The following STT3A variants were observed in gnomAD, a reference collection of about 807,000 sequenced individuals.
STT3A encodes the protein dolichyl-diphosphooligosaccharide--protein glycosyltransferase subunit STT3A.
STT3A carries 34 observed loss-of-function variants against 89.2 expected under a neutral mutation model. The ratio of observed to expected loss-of-function variants is 0.38; its 90% CI spans 0.29 to 0.51. STT3A has a LOEUF of 0.51. Among genes scored for constraint, STT3A ranks in the 20% least tolerant of loss-of-function variants. The probability of loss-of-function intolerance (pLI) is 0.89; values close to 1 mark genes in which losing one functional copy is unlikely to be tolerated. For synonymous variants in STT3A, 282 were observed against 310.3 expected (o/e 0.91, Z 0.96); for missense variants, 555 against 889.5 (o/e 0.62, Z 4.78).
At chr11:125,617,287 G>A (rs112690507) in intron 15 of STT3A, among the ~76,000 whole-genome samples, 16 of 152,164 alleles carry the variant, frequency 1.1e-4, no homozygotes, top group African/African-American at 3.9e-4. Context: ...CCCTATTGTT[G>A]TAGATACTCT....
At chr11:125,596,476 G>A (rs1039923638) in intron 2 of STT3A, among the ~76,000 whole-genome samples, 1 of 151,990 alleles carries the variant, frequency 6.6e-6, no homozygotes, top group Non-Finnish European at 1.5e-5. Flanking sequence ...AAAAAAAGAG[G>A]GCTGTGATCA....
Position 125,614,067 on chromosome 11 carries a change from A to G in STT3A, c.1555-20A>G, listed in dbSNP as rs2135940507. Reference sequence around the variant, plus strand: ...AGACAGTGAGAAGCTTGTTATTTCCATTTCCCATTCTACTTTCAGGATGCG... The same window carrying G: ...AGACAGTGAGAAGCTTGTTATTTCCGTTTCCCATTCTACTTTCAGGATGCG... On this transcript the variant is annotated intron_variant, in intron 13 of 17. Coordinates refer to ENST00000392708, the MANE Select transcript of STT3A (RefSeq NM_152713.5). This position sits in a 1 kb window ranked among gnomAD's most constrained non-coding sequence, Gnocchi z 4.9. 1 of 1,606,688 alleles carries G rather than the reference A, an allele frequency of 6.2e-7. No individual in the cohort carries two copies. The highest frequency in any genetic ancestry group is 1.3e-5 in the African/African-American group (1 of 74,822).
intron 3 of STT3A, among the ~76,000 whole-genome samples, chr11:125,600,237 ACAGGGTTTCT>A (rs1273178116): frequency 2.0e-5 from 3 of 152,030 alleles, no homozygotes; most frequent in African/African-American, 7.2e-5. Context: ...TTTAGTAGAG[ACAGGGTTTCT>A]CCATGTTGGT....
Position 125,622,276 on chromosome 11 carries a change from A to G in STT3A, c.*1466A>G, listed in dbSNP as rs1940370338. ...CCAGGGCACTTAGCCTTCCAAACCA[A>G]TTTATATACCATGTTCTTCAACTGT... On this transcript the variant is annotated 3_prime_UTR_variant, in exon 18 of 18. Transcript: ENST00000392708. 1 of 152,174 alleles carries G rather than the reference A, an allele frequency of 6.6e-6. No individual in the cohort carries two copies. The highest frequency in any genetic ancestry group is 2.4e-5 in the African/African-American group (1 of 41,444). The allele number at this position is 152,174 out of a possible 1,614,324, so 9.4% of individuals were successfully genotyped here.
chr11:125,592,602 T>C, upstream of STT3A: 1 of 410,424 alleles, frequency 2.4e-6, no homozygotes, highest in South Asian at 1.7e-5. Flanking sequence ...ACCAAACTGC[T>C]TGGGGCACGT....
chr11:125,608,996 C>T (rs1186335271), intron 9 of STT3A, among the ~76,000 whole-genome samples: 1 of 152,084 alleles, frequency 6.6e-6, no homozygotes, highest in Non-Finnish European at 1.5e-5. Flanking sequence ...TAAATCATAG[C>T]TGTTTAGTTG....
intron 1 of STT3A, chr11:125,593,578 G>C (rs1939385333): frequency 6.6e-6 from 1 of 152,212 alleles, no homozygotes. Flanking sequence ...GATCCTAGCA[G>C]TCTCATTTTG....
At chr11:125,620,672 C>T in intron 17 of STT3A, 100 bp from the exon 18 acceptor site, 1 of 1,123,070 alleles carries the variant, frequency 8.9e-7, no homozygotes, top group Non-Finnish European at 1.3e-6. Context: ...GCTGCAGAAC[C>T]CAACATAATC....
At chr11:125,615,737 A>G (rs1940159118) in intron 15 of STT3A, among the ~76,000 whole-genome samples, 1 of 152,180 alleles carries the variant, frequency 6.6e-6, no homozygotes, top group African/African-American at 2.4e-5. Context: ...TTTAAAGAAG[A>G]TAATACGATA....
At chr11:125,602,648 G>T in intron 4 of STT3A, 155 bp from the exon 5 acceptor site, 2 of 1,138,670 alleles carry the variant, frequency 1.8e-6, no homozygotes, top group Non-Finnish European at 2.5e-6. Context: ...AATCCTTAGG[G>T]GAGAAATTTA....
Position 125,602,440 on chromosome 11 carries a change from G to GT in STT3A, c.271+17dup. The GT allele has an allele frequency of 6.5e-7, 1 of 1,549,348 alleles. No homozygotes were observed. The highest frequency in any genetic ancestry group is 8.7e-7 in the Non-Finnish European group (1 of 1,155,548). ...ATTTACCCAGGTGAGGAGACCAGAT[G>GT]TGTTTTTTTTTTTAAAAAAAAAACA... On this transcript the variant is annotated intron_variant, in intron 4 of 17. Transcript: ENST00000392708.
chr11:125,593,962 A>T (rs906974780), intron 1 of STT3A, among the ~76,000 whole-genome samples: 10 of 152,196 alleles, frequency 6.6e-5, no homozygotes, highest in Non-Finnish European at 1.3e-4. Flanking sequence ...GTACAACTAG[A>T]TAGGAATAAA....
chr11:125,614,738 A>AT lies in STT3A; in HGVS notation c.1774+319dup, dbSNP rs537675891. On this transcript the variant is annotated intron_variant, in intron 15 of 17. Coordinates refer to ENST00000392708, the MANE Select transcript of STT3A (RefSeq NM_152713.5). The surrounding 1 kb of genome is among the most constrained non-coding windows in gnomAD (Gnocchi z 4.9). The stretch of plus-strand genomic sequence containing the variant: ...CATGACAATGAACTTAAGAATTAGC[A>AT]TTTTTTTAGTGGTTTTAAGCCATAT... Among the ~76,000 whole-genome samples, 672 of 152,052 alleles carry AT rather than the reference A, an allele frequency of 4.4e-3. 10 individuals are homozygous for AT. Among genetic ancestry groups the AT allele is most frequent in the African/African-American group, 0.013 (559 of 41,494 alleles).
At chr11:125,603,049 C>A in intron 5 of STT3A, 101 bp downstream of exon 5, 1 of 1,432,962 alleles carries the variant, frequency 7.0e-7, no homozygotes, top group Non-Finnish European at 9.4e-7. Context: ...AGGCAGGGAG[C>A]CAGAAGGTGA....
At position 125,602,919 on chromosome 11, in the gene STT3A, G is replaced by A. The variant is rs766001109; in HGVS notation, c.388G>A (p.Val130Ile). Residue 130 changes from valine (V) to isoleucine (I), a missense_variant, in exon 5 of 18, where the codon GTC becomes ATC. By Grantham distance (29) the Val-to-Ile change is conservative (BLOSUM62 3). Around this residue, in one of 5 missense-constraint regions of STT3A, gnomAD observed 129 missense variants for 193.2 expected, o/e 0.67. Transcript: ENST00000392708. ...TCTCTTCTCCTCCTTCACCACCATC[G>A]TCACGTACCACCTTACCAAAGAGCT... ...APLFSSFTTI[V>I]TYHLTKELKD... 8.7e-6 allele frequency: 14 copies of A among 1,613,750 alleles called. No individual in the cohort carries two copies. The East Asian group carries it at 1.6e-4, about 18-fold the overall frequency.
intron 9 of STT3A, 88 bp downstream of exon 9, chr11:125,608,377 C>T (rs1939899753): frequency 2.0e-5 from 27 of 1,342,314 alleles, no homozygotes; most frequent in Admixed American, 5.3e-5. Context: ...TGCAGTGGTG[C>T]GATCTCGGCT....
rs1261508800 is a variant in STT3A at position 125,614,010 on chromosome 11, A to G, written c.1555-77A>G. The stretch of plus-strand genomic sequence containing the variant: ...GCCAGGTGTCACTTCTGTCAGACCA[A>G]AGATGCCTTCTCTGTTGCATTTGAT... On this transcript the variant is annotated intron_variant, in intron 13 of 17. Coordinates refer to ENST00000392708, the MANE Select transcript of STT3A (RefSeq NM_152713.5). The surrounding 1 kb of genome is among the most constrained non-coding windows in gnomAD (Gnocchi z 4.9). The G allele has an allele frequency of 6.8e-5, 90 of 1,318,374 alleles. No homozygotes were observed. Among genetic ancestry groups the G allele is most frequent in the Non-Finnish European group, 9.7e-5 (89 of 920,848 alleles). 81.7% of individuals were successfully genotyped at this position (1,318,374 alleles called of 1,614,324 possible). A position where few individuals can be genotyped will look rare whatever the true frequency, so the allele number is the denominator to read the frequency against.
chr11:125,617,564 A>G (rs1308176737), intron 15 of STT3A, among the ~76,000 whole-genome samples: 1 of 152,262 alleles, frequency 6.6e-6, no homozygotes, highest in Admixed American at 6.5e-5. Flanking sequence ...CTGTGCAAGC[A>G]ATACAGTAAA....
chr11:125,609,635 A>T, intron 10 of STT3A, 46 bp downstream of exon 10: 2 of 1,572,666 alleles, frequency 1.3e-6, no homozygotes, highest in Non-Finnish European at 1.7e-6. Flanking sequence ...TAAGAATCAC[A>T]ATTTGATTCC....
Sources: allele counts gnomAD v4.1 joint callset (sites outside exome capture counted in the v4.1 genomes callset), GRCh38; gene constraint gnomAD v4.1.1; regional missense constraint gnomAD v4.1.1; non-coding constraint Gnocchi (gnomAD v3.1); transcripts MANE v1.5; gene names NCBI Gene and HGNC (gene_info 2026-07-23, HGNC 2026-07-21).